NRCAM: variants seen among roughly 807,000 people sequenced by gnomAD.
NRCAM encodes the protein neuronal cell adhesion molecule.
In NRCAM, 83 loss-of-function variants were observed where a neutral mutation model predicts 156.5. That is an observed-to-expected ratio of 0.53 (90% confidence interval 0.44 to 0.64). The LOEUF is 0.64. Among genes scored for constraint, NRCAM ranks in the 30% least tolerant of loss-of-function variants. The pLI is 0.00. For synonymous variants in NRCAM, 538 were observed against 563.9 expected, an observed-to-expected ratio of 0.95 and a Z score of 0.65; for missense variants, 1,417 against 1,597.3, an observed-to-expected ratio of 0.89 and a Z score of 1.92.
intron 14 of NRCAM, among the ~76,000 whole-genome samples, chr7:108,196,606 A>G (rs1360252875): frequency 2.0e-5 from 3 of 152,218 alleles, no homozygotes; most frequent in Non-Finnish European, 4.4e-5. Flanking sequence ...CAATCGCCAG[A>G]TAAATGTAAA....
At chr7:108,211,979 C>A (rs904520650) in intron 11 of NRCAM, among the ~76,000 whole-genome samples, 1 of 152,194 alleles carries the variant, frequency 6.6e-6, no homozygotes, top group African/African-American at 2.4e-5. Flanking sequence ...AACCTAAGAA[C>A]CCTCACAGAG....
At position 108,155,101 on chromosome 7, in the gene NRCAM, T is replaced by TATAC. The variant is rs1270777439; in HGVS notation, c.3677+4361_3677+4362insGTAT. ...GATTTAAAAGTCATATATATATATA[T>TATAC]ACACACACACACACACACACACACA... is the stretch of plus-strand genomic sequence containing the variant. On this transcript the variant is annotated intron_variant, in intron 32 of 32. Coordinates refer to ENST00000379028, the MANE Select transcript of NRCAM (RefSeq NM_001037132.4). Among the ~76,000 whole-genome samples, 149 of 123,114 alleles carry TATAC rather than the reference T, an allele frequency of 1.2e-3. 1 individual carries two copies. The highest frequency in any genetic ancestry group is 5.3e-3 in the South Asian group (20 of 3,798). The allele number at this position is 123,114 out of a possible 152,430, so 80.8% of individuals were successfully genotyped here. A position where few individuals can be genotyped will look rare whatever the true frequency, so the allele number is the denominator to read the frequency against.
intron 32 of NRCAM, among the ~76,000 whole-genome samples, chr7:108,151,493 C>T (rs947465349): frequency 6.6e-6 from 1 of 151,674 alleles, no homozygotes; most frequent in Non-Finnish European, 1.5e-5. Flanking sequence ...ATAACTTTTA[C>T]TAGGGATTTC....
At chr7:108,400,990 T>G (rs761135684) in intron 1 of NRCAM, among the ~76,000 whole-genome samples, 1 of 152,192 alleles carries the variant, frequency 6.6e-6, no homozygotes, top group Non-Finnish European at 1.5e-5. Flanking sequence ...CCAGGTCCAG[T>G]GGCTCACGCC....
At chr7:108,178,382 AT>A in intron 25 of NRCAM, 1 of 460,460 alleles carries the variant, frequency 2.2e-6, no homozygotes, top group Non-Finnish European at 4.1e-6. Context: ...CAAACCTAAT[AT>A]TTTAAAAAGA....
Position 108,180,314 on chromosome 7 carries a change from G to A in NRCAM, c.2760C>T (p.Pro920=), listed in dbSNP as rs780729200. ...KTHGMLPGLE[P]FSHYTLNVRV... ...GGACATTCAGTGTGTAGTGGCTAAA[G>A]GGCTCTAGCCCCGGCAACATGCCAT... The change falls in exon 25 of 33, where the codon CCC becomes CCT. Residue 920 remains proline, a synonymous_variant. Coordinates refer to ENST00000379028, the MANE Select transcript of NRCAM (RefSeq NM_001037132.4). 11 of 1,614,202 alleles carry A rather than the reference G, an allele frequency of 6.8e-6. No individual in the cohort carries two copies. The South Asian group carries it at 1.2e-4, about 18-fold the overall frequency.
At chr7:108,375,072 TGTC>T (rs558280934) in intron 2 of NRCAM, among the ~76,000 whole-genome samples, 207 of 152,230 alleles carry the variant, frequency 1.4e-3, no homozygotes, top group African/African-American at 4.8e-3. Context: ...CAGCCCAGAC[TGTC>T]TGTCTCAGTA....
intron 32 of NRCAM, among the ~76,000 whole-genome samples, chr7:108,157,738 T>C (rs1437163918): frequency 2.6e-5 from 4 of 152,154 alleles, no homozygotes; most frequent in African/African-American, 9.7e-5. Flanking sequence ...CCTCAGATCA[T>C]GGTTTCACAT....
intron 6 of NRCAM, among the ~76,000 whole-genome samples, chr7:108,233,613 T>C (rs2094570036): frequency 6.6e-6 from 1 of 152,202 alleles, no homozygotes. Context: ...GGCTTTCCAT[T>C]AACATAGCCG....
intron 4 of NRCAM, among the ~76,000 whole-genome samples, chr7:108,239,228 T>C (rs182118578): frequency 2.0e-5 from 3 of 152,264 alleles, no homozygotes; most frequent in African/African-American, 7.2e-5. Flanking sequence ...CAGTATATAT[T>C]TACTACTAGG....
chr7:108,242,399 A>T (rs546277854), intron 3 of NRCAM, among the ~76,000 whole-genome samples: 1 of 152,280 alleles, frequency 6.6e-6, no homozygotes, highest in African/African-American at 2.4e-5. Context: ...ATATCCAAAC[A>T]TTCATATCCA....
chr7:108,284,427 C>A (rs1483998106), intron 3 of NRCAM, among the ~76,000 whole-genome samples: 4 of 152,178 alleles, frequency 2.6e-5, no homozygotes, highest in Admixed American at 2.0e-4. Context: ...AGAGTCAGTA[C>A]CCTCCAGTCC....
chr7:108,201,046 C>T (rs1291532700), intron 13 of NRCAM, among the ~76,000 whole-genome samples: 5 of 151,922 alleles, frequency 3.3e-5, no homozygotes, highest in South Asian at 2.1e-4. Context: ...GTACACTGCT[C>T]GGGTGGCCGG....
intron 6 of NRCAM, among the ~76,000 whole-genome samples, chr7:108,234,357 T>A (rs557792304): frequency 6.6e-6 from 1 of 152,126 alleles, no homozygotes; most frequent in Non-Finnish European, 1.5e-5. Flanking sequence ...TTTAGGGATA[T>A]GCAGGACCCA....
intron 13 of NRCAM, chr7:108,207,279 T>C (rs1329842282): frequency 1.3e-5 from 4 of 317,676 alleles, no homozygotes; most frequent in Non-Finnish European, 5.7e-6. Context: ...CCATTATCCA[T>C]GTAAAAAGCA....
intron 11 of NRCAM, among the ~76,000 whole-genome samples, chr7:108,211,174 G>C (rs2084089211): frequency 1.3e-5 from 2 of 152,324 alleles, no homozygotes; most frequent in Middle Eastern, 3.4e-3. Context: ...ACCTGGAGCT[G>C]AGTCAATTTA....
At chr7:108,296,118 G>C (rs571795339) in intron 3 of NRCAM, among the ~76,000 whole-genome samples, 1 of 152,296 alleles carries the variant, frequency 6.6e-6, no homozygotes, top group East Asian at 1.9e-4. Flanking sequence ...ACACTCCACA[G>C]TCTTAAGAAG....
chr7:108,428,368 C>T (rs1820161156), intron 1 of NRCAM, among the ~76,000 whole-genome samples: 1 of 152,070 alleles, frequency 6.6e-6, no homozygotes, highest in African/African-American at 2.4e-5. Context: ...GCATTTTTGC[C>T]CTGTTTTTTC....
chr7:108,237,697 G>A, intron 5 of NRCAM, 55 bp downstream of exon 5: 5 of 1,367,692 alleles, frequency 3.7e-6, no homozygotes, highest in South Asian at 3.1e-5. Flanking sequence ...AATTCAAAAA[G>A]CAAAGACATG....
Sources: allele counts gnomAD v4.1 joint callset (sites outside exome capture counted in the v4.1 genomes callset), GRCh38; gene constraint gnomAD v4.1.1; transcripts MANE v1.5; gene names NCBI Gene and HGNC (gene_info 2026-07-23, HGNC 2026-07-21).